Variants in EVL observed in about 807,000 individuals in gnomAD.
EVL encodes the protein Enah/Vasp-like, also known as ena/VASP-like protein.
A neutral mutation model predicts 59.6 loss-of-function variants in EVL; 21 were observed. The observed-to-expected ratio is 0.35, with a 90% CI of 0.25 to 0.51. The LOEUF is 0.51. EVL is among the 20% of genes least tolerant of loss of function. The pLI is 0.97. For synonymous variants in EVL, 198 were observed against 203.5 expected, an observed-to-expected ratio of 0.97 and a Z score of 0.23; for missense variants, 462 against 546.6, an observed-to-expected ratio of 0.85 and a Z score of 1.54.
At chr14:100,034,302 T>C (rs1203977462) in intron 1 of EVL, among the ~76,000 whole-genome samples, 1 of 149,886 alleles carries the variant, frequency 6.7e-6, no homozygotes, top group African/African-American at 2.5e-5. Context: ...AGACAGTACA[T>C]AGTAGCATGA....
chr14:100,074,237 T>C (rs1286146531), intron 1 of EVL, among the ~76,000 whole-genome samples: 1 of 152,166 alleles, frequency 6.6e-6, no homozygotes, highest in Non-Finnish European at 1.5e-5. Context: ...CCACCTTGTT[T>C]TTCTCGTTAG....
intron 3 of EVL, among the ~76,000 whole-genome samples, chr14:100,120,829 T>A (rs564413877): frequency 6.6e-6 from 1 of 151,886 alleles, no homozygotes; most frequent in Non-Finnish European, 1.5e-5. Context: ...ACTGTCAGAA[T>A]GAGAGAGAGT....
chr14:100,112,187 G>A (rs1252187240), intron 3 of EVL, among the ~76,000 whole-genome samples: 4 of 152,232 alleles, frequency 2.6e-5, no homozygotes, highest in East Asian at 1.9e-4. Flanking sequence ...AGATAACTCC[G>A]GAGACTCAGA....
At chr14:100,076,090 G>A (rs979183551) in intron 1 of EVL, among the ~76,000 whole-genome samples, 1 of 152,246 alleles carries the variant, frequency 6.6e-6, no homozygotes, top group Non-Finnish European at 1.5e-5. Flanking sequence ...ACCTCTGGAT[G>A]TAGGAAAAAG....
chr14:100,054,957 T>C (rs762674235), intron 1 of EVL, among the ~76,000 whole-genome samples: 32 of 152,282 alleles, frequency 2.1e-4, no homozygotes, highest in Non-Finnish European at 3.7e-4. Flanking sequence ...ATCCCAGCAC[T>C]TTGGGAGGCC....
chr14:100,137,459 C>A, intron 9 of EVL, 119 bp from the exon 10 acceptor site: 1 of 1,072,064 alleles, frequency 9.3e-7, no homozygotes, highest in Non-Finnish European at 1.4e-6. Context: ...GACCTTCCTG[C>A]CACGGGGCTC....
At position 100,117,972 on chromosome 14, in the gene EVL, T is replaced by C. The variant is rs566110805; in HGVS notation, c.359-5567T>C. Among the ~76,000 whole-genome samples, 14 of 152,348 alleles carry C rather than the reference T, an allele frequency of 9.2e-5. No homozygotes were observed. In the South Asian group the frequency reaches 2.7e-3, roughly 29 times the overall value. ...CATCCACGTACTTAACAAATATGTA[T>C]TGCATTGACTATAGGTCAAAAACTA... On this transcript the variant is annotated intron_variant, in intron 3 of 13. Transcript: ENST00000392920.
chr14:100,010,813 G>A (rs1022211289), intron 1 of EVL, among the ~76,000 whole-genome samples: 1 of 152,170 alleles, frequency 6.6e-6, no homozygotes, highest in Non-Finnish European at 1.5e-5. Flanking sequence ...AGGAAATTAC[G>A]GTTAATTATG....
chr14:100,006,106 T>C (rs1482128091), intron 1 of EVL, among the ~76,000 whole-genome samples: 9 of 151,792 alleles, frequency 5.9e-5, no homozygotes, highest in Non-Finnish European at 1.2e-4. Flanking sequence ...TTTGGAACTT[T>C]CCTGTGGATT....
chr14:100,080,173 A>G lies in EVL; in HGVS notation c.12-4514A>G, dbSNP rs182096709. 5.9e-5 allele frequency among the ~76,000 whole-genome samples: 9 copies of G among 152,184 alleles called. No individual in the cohort carries two copies. In the East Asian group the frequency reaches 1.5e-3, roughly 26 times the overall value. ...GGCTTCCCTGGGCCACATTGGAAGA[A>G]TTGTCTTGGGCCACACATAAAATAC... On this transcript the variant is annotated intron_variant, in intron 1 of 13. Coordinates refer to ENST00000392920, the MANE Select transcript of EVL (RefSeq NM_016337.3).
At chr14:100,080,750 A>G (rs983113495) in intron 1 of EVL, among the ~76,000 whole-genome samples, 1 of 152,186 alleles carries the variant, frequency 6.6e-6, no homozygotes, top group African/African-American at 2.4e-5. Flanking sequence ...CCAGGGGGGA[A>G]AGAAGTCCAC....
At chr14:100,117,444 G>A (rs770559304) in intron 3 of EVL, among the ~76,000 whole-genome samples, 1 of 152,200 alleles carries the variant, frequency 6.6e-6, no homozygotes, top group Non-Finnish European at 1.5e-5. Flanking sequence ...TCTGTGCCCC[G>A]CTTGACCCTT....
chr14:100,065,383 G>C (rs146908923), upstream of EVL: 2 of 1,150,882 alleles, frequency 1.7e-6, no homozygotes, highest in African/African-American at 3.2e-5. Flanking sequence ...TTGGTTTTAA[G>C]TAGGCTATAA....
At chr14:100,020,823 A>C (rs1198954586) in intron 1 of EVL, among the ~76,000 whole-genome samples, 1 of 152,200 alleles carries the variant, frequency 6.6e-6, no homozygotes, top group African/African-American at 2.4e-5. Context: ...GGATTCAGGA[A>C]GTTATCCTTT....
At chr14:99,999,842 A>G (rs1432925010) in intron 1 of EVL, among the ~76,000 whole-genome samples, 1 of 152,196 alleles carries the variant, frequency 6.6e-6, no homozygotes, top group East Asian at 1.9e-4. Flanking sequence ...GGATCAACAG[A>G]TGCCCTCAGG....
In EVL at chr14:100,028,842, G is replaced by A. The variant is rs146230368; in HGVS notation, c.6-55845G>A. On this transcript the variant is annotated intron_variant, in intron 1 of 13. Coordinates refer to the EVL transcript ENST00000402714. ...ATCTATTCTTCATTATTAAATAAGCGTGCAGTTGTTGAGTTTTACTCAAAG... is the reference window on the plus strand; with the variant it reads ...ATCTATTCTTCATTATTAAATAAGCATGCAGTTGTTGAGTTTTACTCAAAG... Among the ~76,000 whole-genome samples, 70 of 152,236 alleles carry A rather than the reference G, an allele frequency of 4.6e-4. No individual in the cohort carries two copies. The Middle Eastern group carries it at 0.02, about 44-fold the overall frequency.
chr14:100,061,814 A>G, upstream of EVL, among the ~76,000 whole-genome samples: 1 of 152,170 alleles, frequency 6.6e-6, no homozygotes, highest in East Asian at 1.9e-4. Context: ...ATCATAGGTG[A>G]AAATATGTTT....
chr14:99,994,431 G>A (rs1038715172), intron 1 of EVL, among the ~76,000 whole-genome samples: 1 of 151,424 alleles, frequency 6.6e-6, no homozygotes, highest in Non-Finnish European at 1.5e-5. Context: ...CCCATTGTAT[G>A]TATTCTATAG....
At chr14:100,043,537 G>A (rs1271518500) in intron 1 of EVL, among the ~76,000 whole-genome samples, 1 of 151,586 alleles carries the variant, frequency 6.6e-6, no homozygotes, top group Non-Finnish European at 1.5e-5. Context: ...CTGGAGTTCT[G>A]ATGTCCCAGG....
Sources: allele counts gnomAD v4.1 joint callset (sites outside exome capture counted in the v4.1 genomes callset), GRCh38; gene constraint gnomAD v4.1.1; transcripts MANE v1.5; gene names NCBI Gene and HGNC (gene_info 2026-07-23, HGNC 2026-07-21).